SORL1: variants seen among roughly 807,000 people sequenced by gnomAD.
SORL1 encodes the protein sortilin-related receptor.
SORL1 carries 127 observed loss-of-function variants against 273.7 expected under a neutral mutation model. The observed-to-expected ratio is 0.46, with a 90% CI of 0.40 to 0.54. The LOEUF (loss-of-function observed/expected upper bound fraction) is 0.54, where lower values mean the gene tolerates loss of function less well. Ranked by LOEUF, SORL1 falls within the 20% of genes least tolerant of loss-of-function variation. The probability of loss-of-function intolerance (pLI) is 0.00; values close to 1 mark genes in which losing one functional copy is unlikely to be tolerated. For synonymous variants in SORL1, 1,031 were observed against 1,067.4 expected (o/e 0.97, Z 0.66); for missense variants, 2,494 against 2,846.1 (o/e 0.88, Z 2.81).
At chr11:121,558,133 T>C (rs943736086) in intron 19 of SORL1, among the ~76,000 whole-genome samples, 11 of 152,350 alleles carry the variant, frequency 7.2e-5, no homozygotes, top group African/African-American at 2.2e-4. Context: ...TATGTACAAG[T>C]ATTATCTTTA....
intron 24 of SORL1, among the ~76,000 whole-genome samples, chr11:121,575,965 G>C (rs886998411): frequency 6.6e-6 from 1 of 152,166 alleles, no homozygotes; most frequent in Admixed American, 6.5e-5. Context: ...CCCTTCCTCT[G>C]ATGCAGGTCC....
chr11:121,466,966 A>G (rs1861091320), intron 1 of SORL1, among the ~76,000 whole-genome samples: 1 of 152,064 alleles, frequency 6.6e-6, no homozygotes, highest in Non-Finnish European at 1.5e-5. Flanking sequence ...AAGAAGAGAA[A>G]GAAACAAAGT....
rs1446141571 is a variant in SORL1, at chr11:121,550,775, A to G, written c.2266+105A>G. Reference sequence around the variant, plus strand: ...GTGGCTCCTTTAATTGAGTGGAGAAAAACAATGGCCGTCACAAGCATCACA... The same window carrying G: ...GTGGCTCCTTTAATTGAGTGGAGAAGAACAATGGCCGTCACAAGCATCACA... On this transcript the variant is annotated intron_variant, in intron 16 of 47. Transcript: ENST00000260197. The surrounding 1 kb of genome is among the most constrained non-coding windows in gnomAD (Gnocchi z 5.3). 8.5e-6 allele frequency: 7 copies of G among 826,386 alleles called. No individual in the cohort carries two copies. The highest frequency in any genetic ancestry group is 1.3e-5 in the Non-Finnish European group (7 of 525,808). 51.2% of individuals were successfully genotyped at this position (826,386 alleles called of 1,614,324 possible).
intron 2 of SORL1, among the ~76,000 whole-genome samples, chr11:121,471,967 C>T (rs947848981): frequency 3.9e-5 from 6 of 152,260 alleles, no homozygotes; most frequent in Middle Eastern, 3.4e-3. Flanking sequence ...GCTGTGGCCA[C>T]CACAGACAGC....
chr11:121,532,600 A>G, intron 12 of SORL1, 48 bp downstream of exon 12: 1 of 1,469,172 alleles, frequency 6.8e-7, no homozygotes, highest in Non-Finnish European at 9.5e-7. Flanking sequence ...TCTCCCAGAA[A>G]TTTACGTCTG....
At chr11:121,599,316 G>A (rs891101039) in intron 32 of SORL1, among the ~76,000 whole-genome samples, 7 of 152,322 alleles carry the variant, frequency 4.6e-5, no homozygotes, top group South Asian at 2.1e-4. Context: ...AGGCCAAGGC[G>A]GGTGGATCAC....
Position 121,555,246 on chromosome 11 carries a change from A to T in SORL1, c.2499A>T (p.Thr833=), listed in dbSNP as rs78274293. The change falls in exon 18 of 48, where the codon ACA becomes ACT. Residue 833 remains threonine (T), a synonymous_variant. Coordinates refer to ENST00000260197, the MANE Select transcript of SORL1 (RefSeq NM_003105.6). ...TGATCATCAATTCTGGCCTGGAGAC[A>T]GTAGAAGCTTTGGCTTTTGAACCCC... ...QEVIINSGLE[T]VEALAFEPLS... is the part of the protein sequence containing the mutation. 102,961 of 1,614,002 alleles carry T rather than the reference A, an allele frequency of 0.064. 3,775 individuals carry two copies. The highest frequency in any genetic ancestry group is 0.071 in the Non-Finnish European group (83,554 of 1,179,880).
Position 121,581,164 on chromosome 11 carries a change from C to T in SORL1, c.3581-2294C>T, listed in dbSNP as rs56151971. On this transcript the variant is annotated intron_variant, in intron 25 of 47. Transcript: ENST00000260197. ...TGATCTCAAAGTGATCCACCCTCCT[C>T]GGCCTCCCAAAGTGCTGGGATTACA... Among the ~76,000 whole-genome samples, 1,214 of 151,200 alleles carry T rather than the reference C, an allele frequency of 8.0e-3. 16 individuals carry two copies. Among genetic ancestry groups the T allele is most frequent in the African/African-American group, 0.027 (1,102 of 41,162 alleles).
chr11:121,467,270 C>G (rs781712835), intron 1 of SORL1, among the ~76,000 whole-genome samples: 7 of 152,086 alleles, frequency 4.6e-5, no homozygotes, highest in African/African-American at 1.7e-4. Context: ...TAGAAAAGCC[C>G]TTGGATGTTT....
intron 11 of SORL1, among the ~76,000 whole-genome samples, chr11:121,525,327 A>T (rs993594426): frequency 1.3e-5 from 2 of 152,184 alleles, no homozygotes; most frequent in African/African-American, 4.8e-5. Flanking sequence ...GTTGTATCCC[A>T]TTGTAGGGAT....
intron 41 of SORL1, 101 bp from the exon 42 acceptor site, chr11:121,618,673 G>A (rs1329292920): frequency 1.4e-6 from 2 of 1,393,194 alleles, no homozygotes; most frequent in Non-Finnish European, 2.0e-6. Context: ...TTCTCTGTGA[G>A]CTCTTTTGAA....
chr11:121,577,842 A>G (rs2134938303), intron 25 of SORL1, among the ~76,000 whole-genome samples: 2 of 152,266 alleles, frequency 1.3e-5, no homozygotes, highest in Non-Finnish European at 2.9e-5. Flanking sequence ...TAAAGATGGA[A>G]ACAACATGAA....
Position 121,558,716 on chromosome 11 carries a change from A to C in SORL1, c.2789A>C (p.Asp930Ala). The change falls in exon 20 of 48, where the codon GAC becomes GCC. Residue 930 changes from aspartate to alanine, a missense_variant. By Grantham distance (126) the Asp-to-Ala change is moderately radical (BLOSUM62 -2). Transcript: ENST00000260197. ...VKWPNGISVD[D>A]QWIYWTDAYL... ...TGGCCCAATGGCATCTCTGTGGACGACCAGTGGATTTACTGGACGGATGCC... is the reference window on the plus strand; with the variant it reads ...TGGCCCAATGGCATCTCTGTGGACGCCCAGTGGATTTACTGGACGGATGCC... The C allele has an allele frequency of 6.2e-7, 1 of 1,614,114 alleles. No homozygotes were observed. The highest frequency in any genetic ancestry group is 8.5e-7 in the Non-Finnish European group (1 of 1,180,006).
intron 22 of SORL1, among the ~76,000 whole-genome samples, chr11:121,569,228 C>T (rs1301647432): frequency 5.3e-5 from 8 of 152,154 alleles, no homozygotes; most frequent in African/African-American, 1.9e-4. Flanking sequence ...TGTATGTCGC[C>T]TCAGGACCCT....
chr11:121,572,744 G>A (rs1363178089), intron 23 of SORL1, among the ~76,000 whole-genome samples: 1 of 152,064 alleles, frequency 6.6e-6, no homozygotes, highest in African/African-American at 2.4e-5. Flanking sequence ...GTTGTCAGTG[G>A]GTTTCCCTCC....
intron 1 of SORL1, among the ~76,000 whole-genome samples, chr11:121,461,537 A>T (rs1258645576): frequency 1.3e-5 from 2 of 152,192 alleles, no homozygotes; most frequent in African/African-American, 4.8e-5. Context: ...CTGCCCTCAC[A>T]GGGTGGTGAA....
chr11:121,454,462 GGA>G (rs930787824), intron 1 of SORL1, among the ~76,000 whole-genome samples: 15 of 152,190 alleles, frequency 9.9e-5, no homozygotes, highest in African/African-American at 3.6e-4. Context: ...GTTCTCACTG[GGA>G]GTGACTCCCA....
rs78338357 is a variant in SORL1, at chr11:121,466,155, A to C, written c.286-3852A>C. On this transcript the variant is annotated intron_variant, in intron 1 of 47. Coordinates refer to ENST00000260197, the MANE Select transcript of SORL1 (RefSeq NM_003105.6). ...AGCTCCAATTAATTGTGTCTCATTT[A>C]TCAAGCTCCAGCTATGCCCTGTGAG... 7.6e-3 allele frequency among the ~76,000 whole-genome samples: 1,159 copies of C among 152,234 alleles called. 12 individuals are homozygous for C. The highest frequency in any genetic ancestry group is 0.025 in the African/African-American group (1,041 of 41,534).
At chr11:121,532,395 G>A (rs576620208) in intron 11 of SORL1, 69 bp from the exon 12 acceptor site, 2 of 1,387,982 alleles carry the variant, frequency 1.4e-6, no homozygotes, top group Non-Finnish European at 2.0e-6. Context: ...ATGCCTGTGG[G>A]CATGTGTACA....
Sources: allele counts gnomAD v4.1 joint callset (sites outside exome capture counted in the v4.1 genomes callset), GRCh38; gene constraint gnomAD v4.1.1; non-coding constraint Gnocchi (gnomAD v3.1); transcripts MANE v1.5; gene names NCBI Gene and HGNC (gene_info 2026-07-23, HGNC 2026-07-21).